TRPC3: variants seen among roughly 807,000 people sequenced by gnomAD.
TRPC3 encodes short transient receptor potential channel 3.
Under a neutral mutation model 90.9 loss-of-function variants are expected in TRPC3, and 54 were observed. The ratio of observed to expected loss-of-function variants is 0.59; its 90% CI spans 0.48 to 0.75. The LOEUF is 0.75. TRPC3 is among the 30% of genes least tolerant of loss of function. TRPC3 has a pLI of 0.00. For missense variants in TRPC3, 918 were observed against 1,194.5 expected (o/e 0.77, Z 3.41); for synonymous variants, 424 against 450.9 (o/e 0.94, Z 0.75).
At chr4:121,904,586 A>G in intron 7 of TRPC3, 69 bp from the exon 8 acceptor site, 1 of 1,265,388 alleles carries the variant, frequency 7.9e-7, no homozygotes, top group Non-Finnish European at 1.1e-6. Flanking sequence ...AAAAGTAAAA[A>G]ACAAGTTAGG....
chr4:121,919,275 AG>A (rs1387845400), intron 3 of TRPC3, among the ~76,000 whole-genome samples: 1 of 152,250 alleles, frequency 6.6e-6, no homozygotes, highest in African/African-American at 2.4e-5. Flanking sequence ...AGCCTTCACA[AG>A]AACTGTCTTC....
intron 6 of TRPC3, among the ~76,000 whole-genome samples, 174 bp from the exon 7 acceptor site, chr4:121,907,741 T>G (rs537329139): frequency 8.5e-5 from 13 of 152,244 alleles, no homozygotes; most frequent in Middle Eastern, 3.4e-3. Context: ...ACCAGAAACG[T>G]AAATTCTATA....
chr4:121,889,308 T>C (rs1355012944), intron 10 of TRPC3, among the ~76,000 whole-genome samples: 1 of 152,124 alleles, frequency 6.6e-6, no homozygotes, highest in Non-Finnish European at 1.5e-5. Flanking sequence ...ACATCAAGCA[T>C]ATTTTCAAAC....
intron 1 of TRPC3, among the ~76,000 whole-genome samples, chr4:121,938,762 ACCTGATTCT>A (rs1227698040): frequency 6.6e-6 from 1 of 152,124 alleles, no homozygotes; most frequent in Non-Finnish European, 1.5e-5. Context: ...CTCAGGCTGT[ACCTGATTCT>A]CCTCTTTACA....
chr4:121,907,611 C>G (rs768836131), intron 6 of TRPC3, 44 bp from the exon 7 acceptor site: 4 of 1,565,138 alleles, frequency 2.6e-6, no homozygotes, highest in Non-Finnish European at 2.6e-6. Flanking sequence ...GCTTTCTATT[C>G]ATTGCCAACT....
intron 9 of TRPC3, among the ~76,000 whole-genome samples, chr4:121,901,875 C>T (rs991407238): frequency 6.6e-6 from 1 of 152,120 alleles, no homozygotes; most frequent in African/African-American, 2.4e-5. Context: ...CTGTCACAAC[C>T]AATCGCTGAC....
intron 2 of TRPC3, among the ~76,000 whole-genome samples, chr4:121,929,152 A>C (rs1729811520): frequency 6.6e-6 from 1 of 152,192 alleles, no homozygotes; most frequent in Non-Finnish European, 1.5e-5. Context: ...TACGACTGGG[A>C]CTCAAGACAC....
At chr4:121,882,075 C>G (rs945018403) in intron 11 of TRPC3, among the ~76,000 whole-genome samples, 2 of 152,016 alleles carry the variant, frequency 1.3e-5, no homozygotes, top group Non-Finnish European at 2.9e-5. Flanking sequence ...TACCTTATGT[C>G]AGAAGGATTA....
intron 2 of TRPC3, among the ~76,000 whole-genome samples, chr4:121,929,452 C>T (rs958636021): frequency 2.0e-5 from 3 of 152,104 alleles, no homozygotes; most frequent in Non-Finnish European, 2.9e-5. Flanking sequence ...TTTCAGTTTG[C>T]GTCCTCACAG....
Position 121,925,197 on chromosome 4 carries a change from G to A in TRPC3, c.997C>T (p.Arg333Trp), listed in dbSNP as rs200628425. 29 of 1,608,468 alleles carry A rather than the reference G, an allele frequency of 1.8e-5. No individual in the cohort carries two copies. The highest frequency in any genetic ancestry group is 1.7e-4 in the Middle Eastern group (1 of 6,024). Residue 333 changes from arginine (R) to tryptophan (W), a missense_variant, in exon 3 of 12, where the codon CGG (arginine) becomes TGG (tryptophan). Physicochemically the swap from Arg to Trp is moderately radical, Grantham distance 101. This residue lies in a region of TRPC3 where 609 missense variants were observed against 725.9 expected (regional missense o/e 0.84). Coordinates refer to ENST00000379645, the MANE Select transcript of TRPC3 (RefSeq NM_001130698.2). Reference sequence around the variant, plus strand: ...TCTTTGCATTGCATGGAGAGCTTCCGATAGTCATTCTAAGAACAAGAGGTT... The same window carrying A: ...TCTTTGCATTGCATGGAGAGCTTCCAATAGTCATTCTAAGAACAAGAGGTT... Reference protein sequence around the residue: ...NIEKEFKNDYRKLSMQCKDFV... With the variant: ...NIEKEFKNDYWKLSMQCKDFV...
chr4:121,934,019 T>C (rs1560714993), intron 1 of TRPC3, among the ~76,000 whole-genome samples: 1 of 152,210 alleles, frequency 6.6e-6, no homozygotes, highest in African/African-American at 2.4e-5. Flanking sequence ...AATTACTTTG[T>C]GAGTAAAGCA....
chr4:121,923,100 C>CAAAG (rs1553940999), intron 3 of TRPC3, among the ~76,000 whole-genome samples: 1 of 150,656 alleles, frequency 6.6e-6, no homozygotes, highest in Admixed American at 6.6e-5. Flanking sequence ...GAAAGAGACA[C>CAAAG]AGAGAGAGAG....
In TRPC3 at chr4:121,889,010, C is replaced by G. The variant is rs555776344; in HGVS notation, c.2548-6581G>C. Among the ~76,000 whole-genome samples the G allele has an allele frequency of 6.6e-5, 10 of 152,290 alleles. No individual in the cohort carries two copies. In the South Asian group the frequency reaches 1.9e-3, roughly 28 times the overall value. ...TGAACCAGGAAGCACTTACAGCTAC[C>G]TGATTTTCAACAAATGCACCAAGAA... On this transcript the variant is annotated intron_variant, in intron 10 of 11. Coordinates refer to ENST00000379645, the MANE Select transcript of TRPC3 (RefSeq NM_001130698.2).
intron 1 of TRPC3, among the ~76,000 whole-genome samples, chr4:121,947,452 T>C (rs1472528637): frequency 6.6e-6 from 1 of 152,116 alleles, no homozygotes; most frequent in Non-Finnish European, 1.5e-5. Flanking sequence ...GACTGGAACA[T>C]TTATACAAGA....
At chr4:121,890,947 C>T (rs750073281) in intron 10 of TRPC3, among the ~76,000 whole-genome samples, 18 of 151,854 alleles carry the variant, frequency 1.2e-4, no homozygotes, top group African/African-American at 3.1e-4. Flanking sequence ...GCCGAGATCA[C>T]GCCACTGCAC....
rs202009238 is a variant in TRPC3, at chr4:121,933,069, T to G, written c.216-27A>C. ...TAATCAGTAGCAACGATAAAACAAC[T>G]GTAGAATATTAGGGCACATTCCTTC... On this transcript the variant is annotated intron_variant, in intron 1 of 11. Coordinates refer to ENST00000379645, the MANE Select transcript of TRPC3 (RefSeq NM_001130698.2). 4 of 1,530,776 alleles carry G rather than the reference T, an allele frequency of 2.6e-6. No homozygotes were observed. The South Asian group carries it at 3.8e-5, about 15-fold the overall frequency. The allele number at this position is 1,530,776 out of a possible 1,614,324, so 94.8% of individuals were successfully genotyped here.
rs144728749 is a variant in TRPC3 at position 121,932,595 on chromosome 4, G to A, written c.663C>T (p.Tyr221=). 1.3e-3 allele frequency: 2,136 copies of A among 1,614,100 alleles called. 10 individuals are homozygous for A. Among genetic ancestry groups the A allele is most frequent in the Non-Finnish European group, 1.1e-3 (1,247 of 1,179,958 alleles). The change falls in exon 2 of 12, where the codon TAC becomes TAT. Residue 221 remains tyrosine (Y), a synonymous_variant. Transcript: ENST00000379645. The surrounding 1 kb of genome is among the most constrained non-coding windows in gnomAD (Gnocchi z 7.7). The part of the protein sequence containing the change: ...CEQELQDDDF[Y]AYDEDGTRFS... ...AGCGCGTGCCGTCCTCGTCGTAAGC[G>A]TAGAAGTCGTCGTCCTGCAGCTCCT...
At chr4:121,927,827 A>G (rs1017449386) in intron 2 of TRPC3, among the ~76,000 whole-genome samples, 1 of 152,234 alleles carries the variant, frequency 6.6e-6, no homozygotes, top group African/African-American at 2.4e-5. Flanking sequence ...CATGCAACTG[A>G]TAAAATTAAT....
At chr4:121,943,280 A>G (rs1730382119) in intron 1 of TRPC3, among the ~76,000 whole-genome samples, 3 of 152,238 alleles carry the variant, frequency 2.0e-5, no homozygotes, top group Admixed American at 2.0e-4. Context: ...TCTATAAAAA[A>G]GAATGTCACA....
Sources: gnomAD v4.1 joint callset for allele counts (sites outside exome capture counted in the v4.1 genomes callset) on GRCh38, gnomAD v4.1.1 for gene constraint, gnomAD v4.1.1 regional missense constraint, Gnocchi (gnomAD v3.1) non-coding constraint, MANE v1.5 for transcripts, NCBI Gene and HGNC (gene_info 2026-07-23, HGNC 2026-07-21) for gene names.